Variants in XK observed in about 807,000 individuals in gnomAD.
The protein encoded by XK is endoplasmic reticulum membrane adapter protein XK.
XK carries 2 observed loss-of-function variants against 14.0 expected under a neutral mutation model. That is an observed-to-expected ratio of 0.14 (90% CI 0.06 to 0.45). XK has a LOEUF of 0.45. Among genes scored for constraint, XK ranks in the 20% least tolerant of loss-of-function variants. The pLI is 0.98. For synonymous variants in XK, 149 were observed against 147.5 expected (o/e 1.01, Z -0.08); for missense variants, 235 against 341.5 (o/e 0.69, Z 2.46).
At chrX:37,693,785 T>A (rs1354611953) in intron 1 of XK, among the ~76,000 whole-genome samples, 1 of 111,521 alleles carries the variant, frequency 9.0e-6, no homozygotes, top group African/African-American at 3.3e-5. Flanking sequence ...GTTTGGGGCA[T>A]CTTTTGGATG....
At chrX:37,704,203 T>C (rs1460630597) in intron 2 of XK, among the ~76,000 whole-genome samples, 1 of 111,152 alleles carries the variant, frequency 9.0e-6, no homozygotes, top group Non-Finnish European at 1.9e-5. Context: ...CTGTAGCTGA[T>C]TGTAGGGTCA....
chrX:37,687,516 G>C (rs1195136173), intron 1 of XK, among the ~76,000 whole-genome samples: 2 of 108,739 alleles, frequency 1.8e-5, no homozygotes, highest in Non-Finnish European at 3.8e-5. Context: ...TCGAGCTCTT[G>C]AGTTCCAGTG....
chrX:37,728,532 T>C lies in XK; in HGVS notation c.*70T>C. On this transcript the variant is annotated 3_prime_UTR_variant, in exon 3 of 3. Transcript: ENST00000378616. ...TGATACTCGTTATTCATACAAATAA[T>C]GAGCCCTACACAGGGAACAAGGCAG... 1 of 1,069,804 alleles carries C rather than the reference T, an allele frequency of 9.3e-7. No individual in the cohort carries two copies. The highest frequency in any genetic ancestry group is 1.3e-6 in the Non-Finnish European group (1 of 777,812). The allele number at this position is 1,069,804 out of a possible 1,213,427, so 88.2% of individuals were successfully genotyped here.
chrX:37,699,835 A>G (rs1478313014), intron 2 of XK, among the ~76,000 whole-genome samples: 1 of 111,504 alleles, frequency 9.0e-6, no homozygotes, highest in Non-Finnish European at 1.9e-5. Context: ...CAATAATATC[A>G]CAAAGTTGAG....
intron 2 of XK, among the ~76,000 whole-genome samples, chrX:37,722,633 T>C (rs1174336932): frequency 2.7e-5 from 3 of 112,504 alleles, no homozygotes; most frequent in African/African-American, 9.6e-5. Flanking sequence ...GTTACCTCTT[T>C]GAAGTCATTC....
intron 2 of XK, among the ~76,000 whole-genome samples, chrX:37,727,161 G>A: frequency 9.0e-6 from 1 of 111,607 alleles, no homozygotes; most frequent in Non-Finnish European, 1.9e-5. Flanking sequence ...TATATCTGGG[G>A]AGGAAGATGT....
At chrX:37,707,035 C>G (rs2146821985) in intron 2 of XK, among the ~76,000 whole-genome samples, 1 of 112,876 alleles carries the variant, frequency 8.9e-6, no homozygotes, top group Admixed American at 9.3e-5. Context: ...CTACTTCTTT[C>G]TACACAGACA....
intron 2 of XK, among the ~76,000 whole-genome samples, chrX:37,706,750 C>T (rs1927534165): frequency 9.2e-6 from 1 of 108,908 alleles, no homozygotes; most frequent in Admixed American, 9.7e-5. Context: ...GAACAAAGGT[C>T]TCTGGTTTTC....
intron 2 of XK, among the ~76,000 whole-genome samples, chrX:37,725,408 A>G (rs1216300213): frequency 1.8e-5 from 2 of 111,962 alleles, no homozygotes; most frequent in Non-Finnish European, 3.8e-5. Flanking sequence ...TACACTTTAA[A>G]TATATTGGCA....
chrX:37,725,882 A>G (rs918377805), intron 2 of XK, among the ~76,000 whole-genome samples: 4 of 111,989 alleles, frequency 3.6e-5, no homozygotes, highest in Non-Finnish European at 5.6e-5. Flanking sequence ...TTCCAACTAT[A>G]TAACATTCTG....
At chrX:37,691,647 T>C (rs782166228) in intron 1 of XK, among the ~76,000 whole-genome samples, 4 of 112,506 alleles carry the variant, frequency 3.6e-5, no homozygotes, top group African/African-American at 1.3e-4. Flanking sequence ...AGCTCAAACA[T>C]TTCACTGTTT....
intron 2 of XK, among the ~76,000 whole-genome samples, chrX:37,695,572 G>A (rs1208063448): frequency 9.0e-6 from 1 of 111,613 alleles, no homozygotes; most frequent in Non-Finnish European, 1.9e-5. Flanking sequence ...TTTATTATCG[G>A]TATACAAAAT....
rs782074894 is a variant in XK, at chrX:37,703,552, C to T, written c.508+9004C>T. Among the ~76,000 whole-genome samples, 3 of 111,923 alleles carry T rather than the reference C, an allele frequency of 2.7e-5. No individual in the cohort carries two copies. In the South Asian group the frequency reaches 1.1e-3, roughly 42 times the overall value. On this transcript the variant is annotated intron_variant, in intron 2 of 2. Transcript: ENST00000378616. ...TGTGTACTTATGACTGTGCTCTTTT[C>T]CTAACAAAATAGTTCTATGGAAAAT...
intron 1 of XK, among the ~76,000 whole-genome samples, chrX:37,693,650 C>A (rs1309743620): frequency 2.7e-5 from 3 of 111,601 alleles, no homozygotes; most frequent in Non-Finnish European, 5.6e-5. Flanking sequence ...ACTTTAGTCC[C>A]GCCCTGTAAG....
At chrX:37,699,441 C>A (rs782028642) in intron 2 of XK, among the ~76,000 whole-genome samples, 18 of 112,057 alleles carry the variant, frequency 1.6e-4, no homozygotes, top group Non-Finnish European at 3.2e-4. Flanking sequence ...TATAAGATAA[C>A]CCAAAGGACA....
At chrX:37,714,560 CTT>C (rs1927726898) in intron 2 of XK, among the ~76,000 whole-genome samples, 1 of 110,804 alleles carries the variant, frequency 9.0e-6, no homozygotes, top group African/African-American at 3.3e-5. Context: ...TCTTCTGTAA[CTT>C]ATTTATGGTG....
chrX:37,715,742 T>C (rs1391405357), intron 2 of XK, among the ~76,000 whole-genome samples: 3 of 111,993 alleles, frequency 2.7e-5, no homozygotes, highest in Admixed American at 9.5e-5. Flanking sequence ...CAGTATAGTA[T>C]ACATAGCTGC....
chrX:37,689,366 A>C (rs782686686), intron 1 of XK, among the ~76,000 whole-genome samples: 10 of 112,592 alleles, frequency 8.9e-5, no homozygotes, highest in African/African-American at 3.2e-4. Context: ...TCAGCTTTAC[A>C]TAAAGATAAA....
At chrX:37,699,422 G>A (rs1927366559) in intron 2 of XK, among the ~76,000 whole-genome samples, 1 of 111,969 alleles carries the variant, frequency 8.9e-6, no homozygotes, top group Non-Finnish European at 1.9e-5. Flanking sequence ...TGTTCTCTTC[G>A]GACCAGCTTA....
Sources: gnomAD v4.1 joint callset for allele counts (sites outside exome capture counted in the v4.1 genomes callset) on GRCh38, gnomAD v4.1.1 for gene constraint, MANE v1.5 for transcripts, NCBI Gene and HGNC (gene_info 2026-07-23, HGNC 2026-07-21) for gene names.